CPA6: variants seen among roughly 807,000 people sequenced by gnomAD.
CPA6 encodes the protein carboxypeptidase B.
Under a neutral mutation model 63.3 loss-of-function variants are expected in CPA6, and 58 were observed. That is an observed-to-expected ratio of 0.92 (90% CI 0.74 to 1.14). CPA6 has a LOEUF of 1.14. CPA6 is among the 50% of genes most tolerant of loss of function. The pLI, the probability that CPA6 is intolerant of heterozygous loss-of-function variation, is 0.00. For synonymous variants in CPA6, 185 were observed against 179.0 expected (o/e 1.03, Z -0.27); for missense variants, 565 against 526.6 (o/e 1.07, Z -0.71).
chr8:67,560,836 C>T (rs1318832486), intron 2 of CPA6, among the ~76,000 whole-genome samples: 1 of 152,140 alleles, frequency 6.6e-6, no homozygotes, highest in African/African-American at 2.4e-5. Flanking sequence ...ATGCTCTCCC[C>T]TGCTTAGCCC....
intron 2 of CPA6, among the ~76,000 whole-genome samples, chr8:67,525,635 G>T (rs964503873): frequency 6.6e-6 from 1 of 152,054 alleles, no homozygotes; most frequent in Non-Finnish European, 1.5e-5. Flanking sequence ...AAAACAAAGC[G>T]CATGTGTTGG....
chr8:67,599,510 T>C (rs73692548), intron 2 of CPA6, among the ~76,000 whole-genome samples: 5,113 of 152,212 alleles, frequency 0.034, 127 homozygotes, highest in African/African-American at 0.068. Context: ...TATGGCCTAA[T>C]AGATACTCCC....
chr8:67,467,819 A>G (rs1402713599), intron 8 of CPA6, among the ~76,000 whole-genome samples: 1 of 151,608 alleles, frequency 6.6e-6, no homozygotes, highest in Admixed American at 6.6e-5. Context: ...CCTGGCCAAC[A>G]GGGTGAAAAC....
At chr8:67,673,649 C>T (rs1464272446) in intron 1 of CPA6, among the ~76,000 whole-genome samples, 1 of 151,786 alleles carries the variant, frequency 6.6e-6, no homozygotes, top group African/African-American at 2.4e-5. Flanking sequence ...ACCTCGGCCT[C>T]CCAAAGTGCT....
chr8:67,742,260 A>T (rs886298851), intron 1 of CPA6, among the ~76,000 whole-genome samples: 1 of 152,184 alleles, frequency 6.6e-6, no homozygotes, highest in Non-Finnish European at 1.5e-5. Context: ...ACCCTAGAGA[A>T]GGTGACCAAA....
chr8:67,588,539 G>A (rs1161725414), intron 2 of CPA6, among the ~76,000 whole-genome samples: 2 of 152,104 alleles, frequency 1.3e-5, no homozygotes, highest in African/African-American at 4.8e-5. Flanking sequence ...ATTCACCTGA[G>A]GGCTAAAATA....
chr8:67,548,868 A>C (rs575785267), intron 2 of CPA6, among the ~76,000 whole-genome samples: 1 of 152,234 alleles, frequency 6.6e-6, no homozygotes, highest in East Asian at 1.9e-4. Flanking sequence ...GCAGTTCCAG[A>C]GATTAGTCGA....
intron 8 of CPA6, among the ~76,000 whole-genome samples, chr8:67,461,791 G>A (rs936703018): frequency 2.0e-5 from 3 of 152,084 alleles, no homozygotes; most frequent in Admixed American, 6.5e-5. Flanking sequence ...CTCACCTCCC[G>A]GACGGGGCGG....
intron 6 of CPA6, among the ~76,000 whole-genome samples, chr8:67,495,497 T>C (rs1293266642): frequency 6.6e-6 from 1 of 152,190 alleles, no homozygotes; most frequent in Non-Finnish European, 1.5e-5. Context: ...AATTTTTTTA[T>C]ATGTTTTTTT....
intron 1 of CPA6, among the ~76,000 whole-genome samples, chr8:67,635,817 A>T (rs1815456278): frequency 6.6e-6 from 1 of 151,672 alleles, no homozygotes; most frequent in Non-Finnish European, 1.5e-5. Flanking sequence ...TGTTTTCTCT[A>T]TTGGTATAAG....
chr8:67,663,236 TTAAAA>T (rs1374874309), intron 1 of CPA6, among the ~76,000 whole-genome samples: 1 of 152,212 alleles, frequency 6.6e-6, no homozygotes, highest in Non-Finnish European at 1.5e-5. Context: ...TAAAGAGCTT[TTAAAA>T]TTTATAATGT....
chr8:67,537,202 G>A (rs1380431717), intron 2 of CPA6, among the ~76,000 whole-genome samples: 1 of 152,114 alleles, frequency 6.6e-6, no homozygotes, highest in Non-Finnish European at 1.5e-5. Flanking sequence ...GGATGATGCT[G>A]GCCTCATAAA....
intron 2 of CPA6, among the ~76,000 whole-genome samples, chr8:67,535,629 C>CA (rs1418474744): frequency 6.6e-6 from 1 of 152,078 alleles, no homozygotes; most frequent in Non-Finnish European, 1.5e-5. Context: ...GGATAGATTG[C>CA]AAAAATTTTC....
At chr8:67,703,305 A>G (rs1817064145) in intron 1 of CPA6, among the ~76,000 whole-genome samples, 1 of 152,138 alleles carries the variant, frequency 6.6e-6, no homozygotes, top group Non-Finnish European at 1.5e-5. Flanking sequence ...TTGGGGTGGA[A>G]AGGACTTTGG....
chr8:67,737,160 G>A (rs1384088118), intron 1 of CPA6, among the ~76,000 whole-genome samples: 1 of 152,140 alleles, frequency 6.6e-6, no homozygotes. Context: ...AGAACCATAT[G>A]TTATGGGACC....
At chr8:67,590,083 C>T (rs1329467118) in intron 2 of CPA6, among the ~76,000 whole-genome samples, 1 of 151,302 alleles carries the variant, frequency 6.6e-6, no homozygotes, top group Non-Finnish European at 1.5e-5. Flanking sequence ...TGTTCCCCTT[C>T]CTGTGTCCAT....
chr8:67,482,353 G>A (rs950396644), intron 8 of CPA6, among the ~76,000 whole-genome samples: 2 of 152,164 alleles, frequency 1.3e-5, no homozygotes, highest in African/African-American at 2.4e-5. Context: ...TCAGAGAGAA[G>A]GGAAAGTGAA....
chr8:67,615,583 G>A (rs1190148055), intron 2 of CPA6, among the ~76,000 whole-genome samples: 1 of 152,148 alleles, frequency 6.6e-6, no homozygotes, highest in African/African-American at 2.4e-5. Flanking sequence ...AGCTTTTGCT[G>A]GGCTGTGTTC....
chr8:67,517,759 A>G (rs1340059205), intron 3 of CPA6, among the ~76,000 whole-genome samples, 164 bp downstream of exon 3: 2 of 152,198 alleles, frequency 1.3e-5, no homozygotes, highest in African/African-American at 2.4e-5. Context: ...CCCCCATTGG[A>G]CTAATAAGCT....
Sources: gnomAD v4.1 joint callset for allele counts (sites outside exome capture counted in the v4.1 genomes callset) on GRCh38, gnomAD v4.1.1 for gene constraint, MANE v1.5 for transcripts, NCBI Gene and HGNC (gene_info 2026-07-23, HGNC 2026-07-21) for gene names.